PARD3B: variants seen among roughly 807,000 people sequenced by gnomAD.
The protein encoded by PARD3B is par-3 family cell polarity regulator beta.
A neutral mutation model predicts 130.2 loss-of-function variants in PARD3B; 103 were observed. The observed-to-expected ratio is 0.79, with a 90% CI of 0.67 to 0.93. The LOEUF is 0.93. Among genes scored for constraint, PARD3B ranks in the 40% least tolerant of loss-of-function variants. The probability of loss-of-function intolerance (pLI) is 0.00; values close to 1 mark genes in which losing one functional copy is unlikely to be tolerated. For missense variants in PARD3B, 1,609 were observed against 1,499.2 expected (o/e 1.07, Z -1.21); for synonymous variants, 583 against 553.2 (o/e 1.05, Z -0.76).
intron 18 of PARD3B, among the ~76,000 whole-genome samples, chr2:205,317,708 A>G (rs1237155178): frequency 1.3e-5 from 2 of 152,192 alleles, no homozygotes; most frequent in Non-Finnish European, 2.9e-5. Context: ...TTCTCTGAAA[A>G]ATAAAATGAA....
chr2:205,158,291 G>A lies in PARD3B; in HGVS notation c.1435-431G>A, dbSNP rs941847249. ...CCATATTTTCCTGAAATTTTAAGACGTTTCTACACTAAACTCTGTTCCTTC... is the reference window on the plus strand; with the variant it reads ...CCATATTTTCCTGAAATTTTAAGACATTTCTACACTAAACTCTGTTCCTTC... On this transcript the variant is annotated intron_variant, in intron 10 of 22. Coordinates refer to ENST00000406610, the MANE Select transcript of PARD3B (RefSeq NM_001302769.2). The surrounding 1 kb of genome is among the most constrained non-coding windows in gnomAD (Gnocchi z 5.4). 2.0e-5 allele frequency among the ~76,000 whole-genome samples: 3 copies of A among 152,076 alleles called. No individual in the cohort carries two copies. In the East Asian group the frequency reaches 5.8e-4, roughly 29 times the overall value.
At chr2:205,394,245 C>A (rs748211393) in intron 18 of PARD3B, among the ~76,000 whole-genome samples, 3 of 152,136 alleles carry the variant, frequency 2.0e-5, no homozygotes, top group Admixed American at 2.0e-4. Flanking sequence ...TTTTCTATAA[C>A]CCTCTCTGAG....
intron 12 of PARD3B, 122 bp downstream of exon 12, chr2:205,172,503 T>C: frequency 1.0e-6 from 1 of 1,000,288 alleles, no homozygotes; most frequent in South Asian, 1.8e-5. Flanking sequence ...AGGGCTTTGA[T>C]GGGAAACAGG....
intron 22 of PARD3B, among the ~76,000 whole-genome samples, chr2:205,559,749 C>T (rs542657068): frequency 1.3e-5 from 2 of 152,094 alleles, no homozygotes; most frequent in East Asian, 3.9e-4. Context: ...CAGGCACGCA[C>T]CACCATGCCC....
intron 2 of PARD3B, among the ~76,000 whole-genome samples, chr2:204,958,866 G>C (rs1031584504): frequency 6.6e-6 from 1 of 152,128 alleles, no homozygotes; most frequent in Admixed American, 6.6e-5. Flanking sequence ...TCCTGGAAGG[G>C]ATACTGATGG....
intron 2 of PARD3B, among the ~76,000 whole-genome samples, chr2:204,732,672 G>A (rs1420966702): frequency 7.9e-5 from 12 of 152,008 alleles, no homozygotes; most frequent in Admixed American, 7.9e-4. Context: ...CCCCTTTAGA[G>A]ACTGTACCAG....
At chr2:204,996,049 AT>A (rs1411435234) in intron 3 of PARD3B, among the ~76,000 whole-genome samples, 39 of 38,398 alleles carry the variant, frequency 1.0e-3, no homozygotes, top group Non-Finnish European at 1.5e-3. Flanking sequence ...GCTCAGAGTA[AT>A]TTGATCGTCT....
At chr2:205,235,006 TC>T in intron 15 of PARD3B, among the ~76,000 whole-genome samples, 1 of 152,204 alleles carries the variant, frequency 6.6e-6, no homozygotes. Flanking sequence ...TAAAAACACT[TC>T]CTATAAAAAT....
At chr2:204,911,582 A>G (rs901748605) in intron 2 of PARD3B, among the ~76,000 whole-genome samples, 1 of 152,208 alleles carries the variant, frequency 6.6e-6, no homozygotes, top group Non-Finnish European at 1.5e-5. Context: ...TTTCATCCAG[A>G]CACAGAAACC....
At chr2:205,285,331 T>A (rs1285013727) in intron 16 of PARD3B, among the ~76,000 whole-genome samples, 3 of 152,110 alleles carry the variant, frequency 2.0e-5, no homozygotes, top group Non-Finnish European at 4.4e-5. Context: ...GAGCAAAACA[T>A]CCATCCCAGT....
At chr2:205,499,668 C>T (rs1360476055) in intron 20 of PARD3B, among the ~76,000 whole-genome samples, 1 of 152,180 alleles carries the variant, frequency 6.6e-6, no homozygotes, top group Non-Finnish European at 1.5e-5. Context: ...ATTCAAAAGG[C>T]ATTTATTCAT....
intron 16 of PARD3B, among the ~76,000 whole-genome samples, chr2:205,284,288 C>T (rs546820165): frequency 3.2e-4 from 48 of 152,250 alleles, no homozygotes; most frequent in African/African-American, 9.6e-4. Context: ...TGCTCTGTGA[C>T]GGGTTGTTTT....
In PARD3B at chr2:205,617,763, G is replaced by A. The variant is rs1559278489; in HGVS notation, c.*1950G>A. Reference sequence around the variant, plus strand: ...CGGTTTCCCTGCTGACCTGCTGAATGCTACCTTCCCCTCGAGTTGAATACA... The same window carrying A: ...CGGTTTCCCTGCTGACCTGCTGAATACTACCTTCCCCTCGAGTTGAATACA... On this transcript the variant is annotated 3_prime_UTR_variant, in exon 23 of 23. Coordinates refer to ENST00000406610, the MANE Select transcript of PARD3B (RefSeq NM_001302769.2). The A allele has an allele frequency of 2.0e-5, 3 of 152,174 alleles. No homozygotes were observed. The highest frequency in any genetic ancestry group is 4.4e-5 in the Non-Finnish European group (3 of 68,034). The allele number at this position is 152,174 out of a possible 1,614,324, so 9.4% of individuals were successfully genotyped here.
intron 18 of PARD3B, among the ~76,000 whole-genome samples, chr2:205,311,350 T>C (rs1260201304): frequency 6.6e-6 from 1 of 152,216 alleles, no homozygotes; most frequent in Non-Finnish European, 1.5e-5. Context: ...TTTTTGTTAA[T>C]AACCATTTTA....
intron 1 of PARD3B, among the ~76,000 whole-genome samples, chr2:204,631,980 C>T (rs2034694720): frequency 6.6e-6 from 1 of 152,020 alleles, no homozygotes; most frequent in African/African-American, 2.4e-5. Context: ...TGAAAGAAGT[C>T]TTATTTATTT....
chr2:205,482,589 C>T (rs2049282065), intron 20 of PARD3B: 1 of 152,352 alleles, frequency 6.6e-6, no homozygotes, highest in Non-Finnish European at 1.5e-5. Context: ...GGAGGAACAA[C>T]ATCTTTGGGG....
chr2:205,505,253 G>A (rs2050313344), intron 21 of PARD3B, among the ~76,000 whole-genome samples: 1 of 151,558 alleles, frequency 6.6e-6, no homozygotes, highest in African/African-American at 2.4e-5. Context: ...GGTGGGGGGA[G>A]TGGGGAGGGA....
At position 205,579,634 on chromosome 2, in the gene PARD3B, G is replaced by T. The variant is rs149893208; in HGVS notation, c.3260+26231G>T. ...GGCTGAAAATTGGTTTACTGCACTC[G>T]TCCCATTTTGGAGGCCAACCTTGCC... On this transcript the variant is annotated intron_variant, in intron 22 of 22. Coordinates refer to ENST00000406610, the MANE Select transcript of PARD3B (RefSeq NM_001302769.2). Among the ~76,000 whole-genome samples, 3 of 152,254 alleles carry T rather than the reference G, an allele frequency of 2.0e-5. No individual in the cohort carries two copies. In the East Asian group the frequency reaches 5.8e-4, roughly 29 times the overall value.
intron 2 of PARD3B, among the ~76,000 whole-genome samples, chr2:204,795,058 CA>C (rs2042323751): frequency 6.6e-6 from 1 of 152,124 alleles, no homozygotes; most frequent in Non-Finnish European, 1.5e-5. Context: ...TAGAAATATT[CA>C]AAATGTAAAC....
Sources: gnomAD v4.1 joint callset for allele counts (sites outside exome capture counted in the v4.1 genomes callset) on GRCh38, gnomAD v4.1.1 for gene constraint, Gnocchi (gnomAD v3.1) non-coding constraint, MANE v1.5 for transcripts, NCBI Gene and HGNC (gene_info 2026-07-23, HGNC 2026-07-21) for gene names.